The following CNTN3 variants were observed in gnomAD, a reference collection of about 807,000 sequenced individuals.
The protein encoded by CNTN3 is contactin 3, also known as contactin-3.
In CNTN3, 60 loss-of-function variants were observed where a neutral mutation model predicts 119.1. The observed-to-expected ratio is 0.50, with a 90% CI of 0.41 to 0.62. The LOEUF (loss-of-function observed/expected upper bound fraction) is 0.62. Among genes scored for constraint, CNTN3 ranks in the 20% least tolerant of loss-of-function variants. The pLI is 0.00. For missense variants in CNTN3, 1,101 were observed against 1,242.4 expected (o/e 0.89, Z 1.71); for synonymous variants, 450 against 438.7 (o/e 1.03, Z -0.32).
At chr3:74,348,637 C>A (rs1490501217) in intron 11 of CNTN3, among the ~76,000 whole-genome samples, 1 of 152,158 alleles carries the variant, frequency 6.6e-6, no homozygotes, top group Admixed American at 6.5e-5. Flanking sequence ...GTAATGGACA[C>A]CTATCTTCCA....
chr3:74,356,639 AGT>A (rs1479096604), intron 11 of CNTN3, among the ~76,000 whole-genome samples: 1 of 152,136 alleles, frequency 6.6e-6, no homozygotes, highest in Non-Finnish European at 1.5e-5. Context: ...GGTATTTTCA[AGT>A]GTGAACTTAA....
chr3:74,345,018 T>G (rs556041496), intron 11 of CNTN3, among the ~76,000 whole-genome samples: 1 of 152,300 alleles, frequency 6.6e-6, no homozygotes, highest in African/African-American at 2.4e-5. Context: ...TTGCAACCCC[T>G]TTGTCTTAGC....
intron 13 of CNTN3, among the ~76,000 whole-genome samples, chr3:74,329,338 T>C (rs969819076): frequency 1.3e-5 from 2 of 152,316 alleles, no homozygotes; most frequent in African/African-American, 4.8e-5. Flanking sequence ...CCAGTGACTT[T>C]TATCCACAAA....
At chr3:74,338,126 G>A (rs1264210745) in intron 11 of CNTN3, among the ~76,000 whole-genome samples, 2 of 152,080 alleles carry the variant, frequency 1.3e-5, no homozygotes, top group East Asian at 1.9e-4. Context: ...AAAATGGATG[G>A]TAAACTTCTT....
intron 4 of CNTN3, among the ~76,000 whole-genome samples, chr3:74,463,414 C>T (rs184682697): frequency 6.6e-6 from 1 of 152,180 alleles, no homozygotes; most frequent in Non-Finnish European, 1.5e-5. Flanking sequence ...GAATTCCTAG[C>T]AGCTAGGAGA....
intron 1 of CNTN3, among the ~76,000 whole-genome samples, chr3:74,563,323 C>T (rs1214950438): frequency 6.6e-6 from 1 of 151,990 alleles, no homozygotes; most frequent in Non-Finnish European, 1.5e-5. Flanking sequence ...AAAACACAGA[C>T]AAAAAAGCTT....
intron 4 of CNTN3, among the ~76,000 whole-genome samples, chr3:74,452,509 C>T (rs1702178689): frequency 6.8e-6 from 1 of 147,460 alleles, no homozygotes; most frequent in African/African-American, 2.6e-5. Context: ...CCCTTTATTT[C>T]CTTCTCCTGC....
intron 13 of CNTN3, among the ~76,000 whole-genome samples, chr3:74,319,908 C>G (rs1702941897): frequency 6.6e-6 from 1 of 151,772 alleles, no homozygotes; most frequent in Non-Finnish European, 1.5e-5. Context: ...CCAAAAAACA[C>G]ATGAAAAAAT....
intron 13 of CNTN3, among the ~76,000 whole-genome samples, chr3:74,328,333 A>C (rs1703178804): frequency 6.6e-6 from 1 of 152,032 alleles, no homozygotes; most frequent in Non-Finnish European, 1.5e-5. Flanking sequence ...AAATTTTTCC[A>C]AAAAAAATTT....
At chr3:74,365,474 TA>T in intron 9 of CNTN3, 91 bp downstream of exon 9, 1 of 1,503,042 alleles carries the variant, frequency 6.7e-7, no homozygotes, top group South Asian at 1.1e-5. Flanking sequence ...ATTTTGGGAC[TA>T]GGGACTAAAG....
intron 1 of CNTN3, among the ~76,000 whole-genome samples, chr3:74,612,883 T>C (rs963419236): frequency 6.6e-6 from 1 of 152,196 alleles, no homozygotes; most frequent in Admixed American, 6.5e-5. Context: ...ACCTCTCCCA[T>C]TGCAACCAGT....
At chr3:74,327,655 A>C (rs144077360) in intron 13 of CNTN3, among the ~76,000 whole-genome samples, 97 of 152,302 alleles carry the variant, frequency 6.4e-4, no homozygotes, top group African/African-American at 2.1e-3. Flanking sequence ...TTAAAATTTG[A>C]GAAACAAAAA....
At chr3:74,473,702 C>T (rs1702605419) in intron 4 of CNTN3, among the ~76,000 whole-genome samples, 1 of 152,022 alleles carries the variant, frequency 6.6e-6, no homozygotes, top group Admixed American at 6.6e-5. Flanking sequence ...GTCAGGTAAT[C>T]AAAACTGTGG....
At chr3:74,378,411 T>C (rs1252160748) in intron 5 of CNTN3, among the ~76,000 whole-genome samples, 1 of 152,220 alleles carries the variant, frequency 6.6e-6, no homozygotes, top group Non-Finnish European at 1.5e-5. Flanking sequence ...ATATATTGTA[T>C]GTTTCTTTGT....
chr3:74,453,093 A>G (rs1351328636), intron 4 of CNTN3, among the ~76,000 whole-genome samples: 1 of 152,000 alleles, frequency 6.6e-6, no homozygotes, highest in Non-Finnish European at 1.5e-5. Context: ...AAGGAATGGT[A>G]CCAGTTCCTC....
intron 5 of CNTN3, among the ~76,000 whole-genome samples, chr3:74,400,863 G>A (rs1462331718): frequency 6.6e-6 from 1 of 152,152 alleles, no homozygotes; most frequent in African/African-American, 2.4e-5. Context: ...AGACTTTAAG[G>A]ATTGATTTGC....
chr3:74,588,011 T>C (rs1704626889), intron 1 of CNTN3, among the ~76,000 whole-genome samples: 1 of 152,166 alleles, frequency 6.6e-6, no homozygotes, highest in East Asian at 1.9e-4. Context: ...TGAAGGTTGT[T>C]GAATTTTGTC....
At chr3:74,405,562 T>C (rs1015562945) in intron 5 of CNTN3, among the ~76,000 whole-genome samples, 3 of 152,192 alleles carry the variant, frequency 2.0e-5, no homozygotes, top group African/African-American at 4.8e-5. Flanking sequence ...ATTCCAAAAA[T>C]TTTAAGATTT....
chr3:74,609,226 A>G (rs1370158533), intron 1 of CNTN3, among the ~76,000 whole-genome samples: 1 of 152,228 alleles, frequency 6.6e-6, no homozygotes, highest in Non-Finnish European at 1.5e-5. Flanking sequence ...AGGCTGCATC[A>G]GTAGCATATT....
Sources: gnomAD v4.1 joint callset for allele counts (sites outside exome capture counted in the v4.1 genomes callset) on GRCh38, gnomAD v4.1.1 for gene constraint, MANE v1.5 for transcripts, NCBI Gene and HGNC (gene_info 2026-07-23, HGNC 2026-07-21) for gene names.